The following LPCAT3 variants were observed in gnomAD, a reference collection of about 807,000 sequenced individuals.
The protein encoded by LPCAT3 is lysophospholipid acyltransferase 5.
A neutral mutation model predicts 63.4 loss-of-function variants in LPCAT3; 21 were observed. The ratio of observed to expected loss-of-function variants is 0.33; its 90% confidence interval spans 0.23 to 0.48. The LOEUF (loss-of-function observed/expected upper bound fraction) is 0.48, where lower values mean the gene tolerates loss of function less well. LPCAT3 is among the 20% of genes least tolerant of loss of function. The pLI is 0.99. For synonymous variants in LPCAT3, 242 were observed against 227.5 expected, an observed-to-expected ratio of 1.06 and a Z score of -0.58; for missense variants, 451 against 590.6, an observed-to-expected ratio of 0.76 and a Z score of 2.45.
Position 6,978,218 on chromosome 12 carries a change from C to T in LPCAT3, c.1040+123G>A, listed in dbSNP as rs781822332. Reference sequence around the variant, plus strand: ...AGGTGGGGGTCAAAGTCAGTGTGAGCGACAGGGGGTTCTGCCCAGATGGGA... The same window carrying T: ...AGGTGGGGGTCAAAGTCAGTGTGAGTGACAGGGGGTTCTGCCCAGATGGGA... On this transcript the variant is annotated intron_variant, in intron 9 of 12. Coordinates refer to ENST00000261407, the MANE Select transcript of LPCAT3 (RefSeq NM_005768.6). The T allele has an allele frequency of 4.3e-4, 506 of 1,173,446 alleles. 6 individuals are homozygous for T. In the South Asian group the frequency reaches 7.0e-3, roughly 16 times the overall value. 72.7% of individuals were successfully genotyped at this position (1,173,446 alleles called of 1,614,324 possible). A position where few individuals can be genotyped will look rare whatever the true frequency, so the allele number is the denominator to read the frequency against.
At chr12:7,011,647 CAAAAAAAAAA>C (rs1177972639) in intron 1 of LPCAT3, among the ~76,000 whole-genome samples, 3 of 75,734 alleles carry the variant, frequency 4.0e-5, no homozygotes, top group Non-Finnish European at 8.2e-5. Flanking sequence ...CACCATGTCT[CAAAAAAAAAA>C]AAAAAAAAAA....
rs61733160 is a variant in LPCAT3, at chr12:7,018,368, C to G, written c.57G>C (p.Leu19=). 0.024 allele frequency: 38,107 copies of G among 1,611,968 alleles called. 830 individuals are homozygous for G. Among genetic ancestry groups the G allele is most frequent in the African/African-American group, 0.1 (7,466 of 74,994 alleles). The change falls in exon 1 of 13, where the codon CTG becomes CTC. Residue 19 remains leucine, a synonymous_variant. Coordinates refer to ENST00000261407, the MANE Select transcript of LPCAT3 (RefSeq NM_005768.6). The surrounding 1 kb of genome is among the most constrained non-coding windows in gnomAD (Gnocchi z 4.9). ...GGCTCAGCTCCTGGAAACCCGACTG[C>G]AGAACCCCCGCCAGCGCCACCACAG... The part of the protein sequence containing the change: ...EGTVVALAGV[L]QSGFQELSLN...
Position 6,977,825 on chromosome 12 carries a change from GAGGATTGGAT to G in LPCAT3, c.1041-90_1041-81del. On this transcript the variant is annotated intron_variant, in intron 9 of 12. Coordinates refer to ENST00000261407, the MANE Select transcript of LPCAT3 (RefSeq NM_005768.6). This position sits in a 1 kb window ranked among gnomAD's most constrained non-coding sequence, Gnocchi z 4.5. ...CCACCTGCCTCTGGGTCCTCACCCTGAGGATTGGATTGGAGTGCTGGTGGGTTCCCACGTG... is the reference window on the plus strand; with the variant it reads ...CCACCTGCCTCTGGGTCCTCACCCTGTGGAGTGCTGGTGGGTTCCCACGTG... 1 of 1,561,696 alleles carries G rather than the reference GAGGATTGGAT, an allele frequency of 6.4e-7. No individual in the cohort carries two copies. Among genetic ancestry groups the G allele is most frequent in the African/African-American group, 1.3e-5 (1 of 74,080 alleles).
intron 1 of LPCAT3, among the ~76,000 whole-genome samples, chr12:7,009,030 C>T (rs1946745246): frequency 6.6e-6 from 1 of 152,066 alleles, no homozygotes; most frequent in Middle Eastern, 3.2e-3. Context: ...AAAACTAAAC[C>T]ATAAGGAATC....
intron 1 of LPCAT3, among the ~76,000 whole-genome samples, chr12:7,004,119 C>CA (rs1946710171): frequency 6.6e-6 from 1 of 151,968 alleles, no homozygotes; most frequent in Non-Finnish European, 1.5e-5. Context: ...ATAGAAAACC[C>CA]GTTTTATGGC....
intron 1 of LPCAT3, among the ~76,000 whole-genome samples, chr12:6,988,931 A>G (rs781806257): frequency 2.0e-5 from 3 of 152,240 alleles, no homozygotes; most frequent in African/African-American, 7.2e-5. Flanking sequence ...GTTTGAGACT[A>G]GCCTCAACAT....
rs1478084014 is a variant in LPCAT3 at position 6,977,698 on chromosome 12, T to C, written c.1088A>G (p.Gln363Arg). 1.9e-6 allele frequency: 3 copies of C among 1,614,104 alleles called. No individual in the cohort carries two copies. The African/African-American group carries it at 4.0e-5, about 22-fold the overall frequency. The stretch of plus-strand genomic sequence containing the variant: ...GGCCAGGAATAGCAACGAGAGACCC[T>C]GAGAGAGTTCTTTATTTCCAAGGAA... ...LKFLGNKELS[Q>R]GLSLLFLALW... The change falls in exon 10 of 13, where the codon CAG becomes CGG. Residue 363 changes from glutamine to arginine, a missense_variant. Around this residue, in one of 3 missense-constraint regions of LPCAT3, gnomAD observed 304 missense variants for 390.8 expected, o/e 0.78. Coordinates refer to ENST00000261407, the MANE Select transcript of LPCAT3 (RefSeq NM_005768.6). The surrounding 1 kb of genome is among the most constrained non-coding windows in gnomAD (Gnocchi z 4.5).
intron 1 of LPCAT3, among the ~76,000 whole-genome samples, chr12:7,007,760 G>C (rs1392001059): frequency 6.6e-6 from 1 of 152,122 alleles, no homozygotes; most frequent in African/African-American, 2.4e-5. Context: ...CTCCCAAAGT[G>C]CTGGGATTAC....
Position 6,994,856 on chromosome 12 carries a change from TGGCTCCTA to T in LPCAT3, c.152-11325_152-11318del, listed in dbSNP as rs1946624000. Among the ~76,000 whole-genome samples the T allele has an allele frequency of 2.6e-5, 4 of 152,244 alleles. 1 individual carries two copies. The South Asian group carries it at 8.3e-4, about 32-fold the overall frequency. On this transcript the variant is annotated intron_variant, in intron 1 of 12. Transcript: ENST00000261407. ...TTTCTTTCACCGAAGGCATTTTTTC[TGGCTCCTA>T]GATGTTGCTGACCCCCAGGATCCAG...
At chr12:7,007,220 T>C (rs1298481074) in intron 1 of LPCAT3, among the ~76,000 whole-genome samples, 1 of 145,310 alleles carries the variant, frequency 6.9e-6, no homozygotes, top group Non-Finnish European at 1.5e-5. Context: ...ATTTTTTGGA[T>C]TTTTTTTTTT....
In LPCAT3 at chr12:7,001,950, G is replaced by C. The variant is rs140587906; in HGVS notation, c.151+16324C>G. Among the ~76,000 whole-genome samples, 108 of 152,316 alleles carry C rather than the reference G, an allele frequency of 7.1e-4. 1 individual carries two copies. In the East Asian group the frequency reaches 0.014, roughly 19 times the overall value. ...GAAGGGAGTGAGATGTGGGAGTCGG[G>C]GGGGAGTTGAGGTAACCTGCATTTT... On this transcript the variant is annotated intron_variant, in intron 1 of 12. Transcript: ENST00000261407.
chr12:6,979,830 T>A (rs1946451434), intron 6 of LPCAT3: 1 of 511,136 alleles, frequency 2.0e-6, no homozygotes, highest in African/African-American at 1.9e-5. Context: ...CAGTCTTGTG[T>A]TTACCCCTCA....
At chr12:7,007,620 G>A (rs781957256) in intron 1 of LPCAT3, among the ~76,000 whole-genome samples, 29 of 145,794 alleles carry the variant, frequency 2.0e-4, no homozygotes, top group Non-Finnish European at 3.4e-4. Context: ...TCAGCCTCCC[G>A]AGTAGCTGGG....
At chr12:7,000,553 A>T (rs1946676249) in intron 1 of LPCAT3, among the ~76,000 whole-genome samples, 1 of 128,358 alleles carries the variant, frequency 7.8e-6, no homozygotes, top group African/African-American at 3.1e-5. Context: ...ACGCCACTGC[A>T]CTCCAGCCTG....
Position 6,977,385 on chromosome 12 carries a change from C to G in LPCAT3, c.1329G>C (p.Thr443=), listed in dbSNP as rs146704427. The change falls in exon 11 of 13, where the codon ACG becomes ACC. Residue 443 remains threonine, a synonymous_variant. Transcript: ENST00000261407. The surrounding 1 kb of genome is among the most constrained non-coding windows in gnomAD (Gnocchi z 4.5). ...GYSMTAFCLF[T]WDKWLKVYKS... ...CACTTGCCTTAAGCCATTTGTCCCA[C>G]GTGAAGAGGCAGAAGGCAGTCATGG... is the stretch of plus-strand genomic sequence containing the variant. The G allele has an allele frequency of 4.3e-4, 693 of 1,614,170 alleles. No individual in the cohort carries two copies. The highest frequency in any genetic ancestry group is 1.0e-3 in the Admixed American group (61 of 60,024).
intron 7 of LPCAT3, 145 bp downstream of exon 7, chr12:6,979,326 G>A (rs1328580583): frequency 7.7e-6 from 5 of 650,754 alleles, no homozygotes; most frequent in Non-Finnish European, 1.4e-5. Context: ...AGCACGGCTG[G>A]CATTGACAAC....
In LPCAT3 at chr12:7,018,265, G is replaced by T; in HGVS notation, c.151+9C>A. The stretch of plus-strand genomic sequence containing the variant: ...CGCGAGGGGCGGAGGGAGGCAGGAG[G>T]GTCCTTACCCAGGAAGATGGAGATG... On this transcript the variant is annotated intron_variant, in intron 1 of 12. Coordinates refer to ENST00000261407, the MANE Select transcript of LPCAT3 (RefSeq NM_005768.6). The surrounding 1 kb of genome is among the most constrained non-coding windows in gnomAD (Gnocchi z 4.9). 2 of 1,593,916 alleles carry T rather than the reference G, an allele frequency of 1.3e-6. No homozygotes were observed. Among genetic ancestry groups the T allele is most frequent in the East Asian group, 2.3e-5 (1 of 44,014 alleles).
intron 1 of LPCAT3, among the ~76,000 whole-genome samples, chr12:7,012,236 T>G (rs1387455945): frequency 6.6e-6 from 1 of 152,146 alleles, no homozygotes; most frequent in Admixed American, 6.5e-5. Context: ...GAGAGGTGGC[T>G]CATATACTGA....
At chr12:7,000,166 C>T (rs1032028730) in intron 1 of LPCAT3, among the ~76,000 whole-genome samples, 16 of 151,694 alleles carry the variant, frequency 1.1e-4, no homozygotes, top group Admixed American at 2.0e-4. Context: ...GTGATCCGCC[C>T]GCCTCAGACT....
Sources: gnomAD v4.1 joint callset for allele counts (sites outside exome capture counted in the v4.1 genomes callset) on GRCh38, gnomAD v4.1.1 for gene constraint, gnomAD v4.1.1 regional missense constraint, Gnocchi (gnomAD v3.1) non-coding constraint, MANE v1.5 for transcripts, NCBI Gene and HGNC (gene_info 2026-07-23, HGNC 2026-07-21) for gene names.